Variants in METTL15 observed in about 807,000 individuals in gnomAD.
METTL15 encodes the protein methyltransferase 15, mitochondrial 12S rRNA N4-cytidine.
METTL15 carries 34 observed loss-of-function variants against 38.3 expected under a neutral mutation model. The observed-to-expected ratio is 0.89, with a 90% CI of 0.68 to 1.18. The LOEUF (loss-of-function observed/expected upper bound fraction) is 1.18. METTL15 is among the 50% of genes most tolerant of loss of function. The pLI, the probability that METTL15 is intolerant of heterozygous loss-of-function variation, is 0.00. For synonymous variants in METTL15, 162 were observed against 170.9 expected, an observed-to-expected ratio of 0.95 and a Z score of 0.41; for missense variants, 438 against 498.4, an observed-to-expected ratio of 0.88 and a Z score of 1.15.
intron 4 of METTL15, among the ~76,000 whole-genome samples, chr11:28,235,740 T>C (rs1853927905): frequency 6.6e-6 from 1 of 152,160 alleles, no homozygotes; most frequent in Non-Finnish European, 1.5e-5. Context: ...TATACAATCA[T>C]GTCATCTGCA....
At chr11:28,204,291 A>G (rs1852227334) in intron 3 of METTL15, among the ~76,000 whole-genome samples, 1 of 151,464 alleles carries the variant, frequency 6.6e-6, no homozygotes, top group Non-Finnish European at 1.5e-5. Context: ...TCTTTCTATC[A>G]CTCTTGCCTT....
intron 3 of METTL15, among the ~76,000 whole-genome samples, chr11:28,342,667 A>G (rs1409840580): frequency 5.9e-5 from 9 of 152,214 alleles, no homozygotes; most frequent in South Asian, 2.1e-4. Flanking sequence ...AACCAAATCA[A>G]TAACAGGTTT....
chr11:28,426,586 T>TG (rs1398161792), intron 6 of METTL15, among the ~76,000 whole-genome samples: 2 of 107,640 alleles, frequency 1.9e-5, no homozygotes, highest in African/African-American at 8.9e-5. Context: ...CAGCATCTGT[T>TG]TTTTTTTTTT....
intron 5 of METTL15, among the ~76,000 whole-genome samples, chr11:28,409,220 A>G (rs1045859752): frequency 1.3e-5 from 2 of 151,846 alleles, no homozygotes; most frequent in Non-Finnish European, 2.9e-5. Context: ...GTCTCTACTA[A>G]AAATACAAAA....
In METTL15 at chr11:28,306,031, C is replaced by T. The variant is rs1170098799; in HGVS notation, c.778+9100C>T. Among the ~76,000 whole-genome samples, 5 of 152,182 alleles carry T rather than the reference C, an allele frequency of 3.3e-5. No homozygotes were observed. In the South Asian group the frequency reaches 1.0e-3, roughly 32 times the overall value. ...CTAGGACCTAATATAATTCCAAATT[C>T]CTGGAATTCCTCATTATCTTAGAAT... On this transcript the variant is annotated intron_variant, in intron 6 of 6. Coordinates refer to ENST00000407364, the MANE Select transcript of METTL15 (RefSeq NM_001113528.2).
chr11:28,353,677 G>A (rs1284388280), intron 4 of METTL15, among the ~76,000 whole-genome samples: 4 of 152,266 alleles, frequency 2.6e-5, no homozygotes, highest in African/African-American at 9.6e-5. Context: ...TGTAATCCCA[G>A]CACTTTGGGA....
intron 6 of METTL15, among the ~76,000 whole-genome samples, chr11:28,431,787 AT>A (rs747019954): frequency 0.3 from 16,443 of 55,094 alleles, 2,239 homozygotes; most frequent in East Asian, 0.54. Flanking sequence ...AAAAAAATAA[AT>A]TTAAAAAAAA....
intron 3 of METTL15, among the ~76,000 whole-genome samples, chr11:28,156,237 T>G (rs1043877909): frequency 6.6e-6 from 1 of 152,134 alleles, no homozygotes; most frequent in Non-Finnish European, 1.5e-5. Context: ...AGGTACCCAG[T>G]TGAGGAAGAA....
At chr11:28,455,410 A>C (rs974244883) in intron 6 of METTL15, among the ~76,000 whole-genome samples, 1 of 151,850 alleles carries the variant, frequency 6.6e-6, no homozygotes, top group Non-Finnish European at 1.5e-5. Flanking sequence ...AATTTATTCC[A>C]CGTTACCATA....
intron 3 of METTL15, among the ~76,000 whole-genome samples, chr11:28,130,132 A>G (rs1333243909): frequency 6.6e-6 from 1 of 152,104 alleles, no homozygotes; most frequent in Non-Finnish European, 1.5e-5. Context: ...CAAGGTGGTG[A>G]GACCCCCATC....
intron 4 of METTL15, among the ~76,000 whole-genome samples, chr11:28,268,119 C>T (rs1419597380): frequency 6.9e-6 from 1 of 145,578 alleles, no homozygotes; most frequent in Non-Finnish European, 1.5e-5. Context: ...ATGGCGTGAA[C>T]CCGAGAGGCG....
At chr11:28,144,726 T>C (rs1354854954) in intron 3 of METTL15, among the ~76,000 whole-genome samples, 1 of 152,104 alleles carries the variant, frequency 6.6e-6, no homozygotes, top group Non-Finnish European at 1.5e-5. Context: ...AATTTTGTGG[T>C]CTGCTTATAT....
chr11:28,250,605 T>C lies in METTL15; in HGVS notation c.407+39407T>C, dbSNP rs530444271. On this transcript the variant is annotated intron_variant, in intron 4 of 6. Transcript: ENST00000407364. ...ATGTTTTTCCTACATCATTTGCTTC[T>C]TTCTCAGAAAAGTAGCACAGAGTAG... Among the ~76,000 whole-genome samples the C allele has an allele frequency of 3.9e-5, 6 of 152,116 alleles. No individual in the cohort carries two copies. The East Asian group carries it at 9.7e-4, about 25-fold the overall frequency.
At chr11:28,181,752 A>G (rs1051962371) in intron 3 of METTL15, among the ~76,000 whole-genome samples, 2 of 152,122 alleles carry the variant, frequency 1.3e-5, no homozygotes, top group Admixed American at 1.3e-4. Context: ...AGAATGATTT[A>G]TAATTCTTTG....
intron 5 of METTL15, among the ~76,000 whole-genome samples, chr11:28,373,814 C>G (rs1339101590): frequency 1.3e-5 from 2 of 152,112 alleles, no homozygotes; most frequent in Non-Finnish European, 2.9e-5. Flanking sequence ...ACATTTAAGT[C>G]TTTAATCCAT....
chr11:28,226,564 T>C (rs1173175667), intron 4 of METTL15, among the ~76,000 whole-genome samples: 8 of 151,960 alleles, frequency 5.3e-5, no homozygotes, highest in Admixed American at 5.3e-4. Context: ...TATTTTAAGC[T>C]GCCATTTTTA....
At chr11:28,530,369 A>G (rs560857301), downstream of METTL15, among the ~76,000 whole-genome samples, 2 of 152,294 alleles carry the variant, frequency 1.3e-5, no homozygotes, top group African/African-American at 2.4e-5. Flanking sequence ...GGAGAATAAC[A>G]CATTAAAGGC....
At chr11:28,180,225 T>C (rs1851233384) in intron 3 of METTL15, among the ~76,000 whole-genome samples, 2 of 152,006 alleles carry the variant, frequency 1.3e-5, no homozygotes, top group Middle Eastern at 3.4e-3. Context: ...TTGACTCCTA[T>C]GCATCCTTTT....
chr11:28,142,295 G>T (rs1849726565), intron 3 of METTL15, among the ~76,000 whole-genome samples: 1 of 152,114 alleles, frequency 6.6e-6, no homozygotes, highest in South Asian at 2.1e-4. Flanking sequence ...AAGTGGATTG[G>T]TCACTTCAAA....
Sources: allele counts gnomAD v4.1 joint callset (sites outside exome capture counted in the v4.1 genomes callset), GRCh38; gene constraint gnomAD v4.1.1; transcripts MANE v1.5; gene names NCBI Gene and HGNC (gene_info 2026-07-23, HGNC 2026-07-21).